The following NEK10 variants were observed in gnomAD, a reference collection of about 807,000 sequenced individuals.
NEK10 encodes serine/threonine-protein kinase Nek10.
NEK10 carries 122 observed loss-of-function variants against 159.8 expected under a neutral mutation model. That is an observed-to-expected ratio of 0.76 (90% CI 0.66 to 0.89). NEK10 has a LOEUF of 0.89. Among genes scored for constraint, NEK10 ranks in the 40% least tolerant of loss-of-function variants. NEK10 has a pLI of 0.00. For missense variants in NEK10, 1,342 were observed against 1,323.1 expected, an observed-to-expected ratio of 1.01 and a Z score of -0.22; for synonymous variants, 466 against 457.1, an observed-to-expected ratio of 1.02 and a Z score of -0.25.
At chr3:27,339,956 C>T (rs1409791749) in intron 5 of NEK10, among the ~76,000 whole-genome samples, 1 of 152,142 alleles carries the variant, frequency 6.6e-6, no homozygotes, top group East Asian at 1.9e-4. Flanking sequence ...ATGGTAATTC[C>T]TCAAGGATCT....
chr3:27,246,959 G>C (rs1376681708), intron 23 of NEK10, among the ~76,000 whole-genome samples: 2 of 152,124 alleles, frequency 1.3e-5, no homozygotes, highest in Admixed American at 1.3e-4. Flanking sequence ...TTTGTATCCT[G>C]CAGCTTTACT....
chr3:27,162,322 T>C (rs1946089326), intron 30 of NEK10: 2 of 1,406,822 alleles, frequency 1.4e-6, no homozygotes, highest in Non-Finnish European at 1.9e-6. Context: ...AAACTAATAA[T>C]GGTGAACAAA....
chr3:27,165,078 C>T (rs943832767), intron 29 of NEK10, among the ~76,000 whole-genome samples: 1 of 152,114 alleles, frequency 6.6e-6, no homozygotes, highest in African/African-American at 2.4e-5. Flanking sequence ...CACATTCATT[C>T]ATTCATTCAA....
chr3:27,170,177 G>A (rs73151210), intron 29 of NEK10, among the ~76,000 whole-genome samples: 2,460 of 152,126 alleles, frequency 0.016, 71 homozygotes, highest in African/African-American at 0.056. Flanking sequence ...ATAGCACATC[G>A]CAGCCTTAGC....
At chr3:27,224,949 T>C (rs1488641798) in intron 23 of NEK10, among the ~76,000 whole-genome samples, 1 of 152,188 alleles carries the variant, frequency 6.6e-6, no homozygotes, top group Non-Finnish European at 1.5e-5. Context: ...CAGAGCTATT[T>C]TTGCATTCTT....
chr3:27,280,573 C>T (rs2042083837), intron 22 of NEK10, among the ~76,000 whole-genome samples: 1 of 152,108 alleles, frequency 6.6e-6, no homozygotes, highest in African/African-American at 2.4e-5. Context: ...TGACAGCAAA[C>T]AGGCGCACAT....
chr3:27,285,611 T>C (rs919995001), intron 20 of NEK10, among the ~76,000 whole-genome samples: 43 of 152,128 alleles, frequency 2.8e-4, no homozygotes, highest in Non-Finnish European at 1.0e-4. Context: ...CATGACTGAT[T>C]GTGTTTGTCT....
intron 23 of NEK10, among the ~76,000 whole-genome samples, chr3:27,208,877 C>T (rs576803767): frequency 6.6e-6 from 1 of 152,292 alleles, no homozygotes; most frequent in Admixed American, 6.5e-5. Flanking sequence ...ATGTTCTCAG[C>T]TCACAGATGA....
In NEK10 at chr3:27,149,625, T is replaced by C. The variant is rs928854247; in HGVS notation, c.2870-8043A>G. 4.7e-4 allele frequency among the ~76,000 whole-genome samples: 71 copies of C among 152,194 alleles called. 1 individual carries two copies. The highest frequency in any genetic ancestry group is 4.6e-3 in the Admixed American group (71 of 15,278). On this transcript the variant is annotated intron_variant, in intron 30 of 35. Coordinates refer to ENST00000691995, the MANE Select transcript of NEK10 (RefSeq NM_001394966.1). ...GTAAACTTAATGGATGGATGTTGTGTGTACTCTGACTGTTCCATCAACCAG... is the reference window on the plus strand; with the variant it reads ...GTAAACTTAATGGATGGATGTTGTGCGTACTCTGACTGTTCCATCAACCAG...
At chr3:27,314,265 G>T in intron 7 of NEK10, 32 bp downstream of exon 7, 2 of 1,555,146 alleles carry the variant, frequency 1.3e-6, no homozygotes, top group Non-Finnish European at 1.8e-6. Flanking sequence ...AAAATGAAAA[G>T]GCAAGACCAG....
At chr3:27,188,607 G>C (rs1197166949) in intron 26 of NEK10, among the ~76,000 whole-genome samples, 1 of 152,160 alleles carries the variant, frequency 6.6e-6, no homozygotes, top group Admixed American at 6.5e-5. Context: ...TGGAAAAGTA[G>C]TTGTGATTCC....
intron 23 of NEK10, among the ~76,000 whole-genome samples, chr3:27,204,275 C>CTTTTTTTTTTTTTTTTTTTTTTTTT (rs1203026508): frequency 3.1e-4 from 20 of 63,966 alleles, no homozygotes; most frequent in East Asian, 4.6e-4. Context: ...GATAAATTTT[C>CTTTTTTTTTTTTTTTTTTTTTTTTT]TTTTTTTTTT....
intron 18 of NEK10, 46 bp from the exon 19 acceptor site, chr3:27,290,800 G>A (rs976185265): frequency 9.6e-6 from 14 of 1,455,996 alleles, no homozygotes; most frequent in Non-Finnish European, 1.2e-5. Context: ...ACAGGGTAAA[G>A]AAGGAGAAGA....
intron 20 of NEK10, among the ~76,000 whole-genome samples, chr3:27,286,423 C>T (rs1341715997): frequency 6.6e-6 from 1 of 150,666 alleles, no homozygotes; most frequent in African/African-American, 2.4e-5. Context: ...TGCTCTGTGG[C>T]AAAGCTGAAG....
intron 33 of NEK10, among the ~76,000 whole-genome samples, chr3:27,119,222 A>G (rs1368550289): frequency 6.6e-6 from 1 of 152,206 alleles, no homozygotes; most frequent in Non-Finnish European, 1.5e-5. Flanking sequence ...GAGAGGTTAA[A>G]TAGTTGTCCA....
At chr3:27,201,248 T>A (rs932324107) in intron 25 of NEK10, among the ~76,000 whole-genome samples, 2 of 152,212 alleles carry the variant, frequency 1.3e-5, no homozygotes, top group Non-Finnish European at 2.9e-5. Flanking sequence ...CCACATATCA[T>A]AATGTGTTTT....
Position 27,144,539 on chromosome 3 carries a change from C to T in NEK10, c.2870-2957G>A, listed in dbSNP as rs150102984. On this transcript the variant is annotated intron_variant, in intron 30 of 35. Transcript: ENST00000691995. ...GACCAGAAAAGAATCCATTTTTCTACACCTCGGTCAACAATATATATTATC... is the reference window on the plus strand; with the variant it reads ...GACCAGAAAAGAATCCATTTTTCTATACCTCGGTCAACAATATATATTATC... Among the ~76,000 whole-genome samples, 813 of 152,308 alleles carry T rather than the reference C, an allele frequency of 5.3e-3. 8 individuals are homozygous for T. Among genetic ancestry groups the T allele is most frequent in the African/African-American group, 0.019 (796 of 41,578 alleles).
At chr3:27,290,298 T>TA (rs1224194651) in intron 19 of NEK10, among the ~76,000 whole-genome samples, 1 of 152,196 alleles carries the variant, frequency 6.6e-6, no homozygotes, top group Non-Finnish European at 1.5e-5. Flanking sequence ...TGTAACTAAG[T>TA]AACCAAATAT....
intron 3 of NEK10, among the ~76,000 whole-genome samples, chr3:27,351,110 A>T (rs1014210430): frequency 2.0e-5 from 3 of 152,180 alleles, no homozygotes; most frequent in Admixed American, 2.0e-4. Flanking sequence ...GAAGACAGAG[A>T]TCACCTCTAG....
Sources: gnomAD v4.1 joint callset for allele counts (sites outside exome capture counted in the v4.1 genomes callset) on GRCh38, gnomAD v4.1.1 for gene constraint, MANE v1.5 for transcripts, NCBI Gene and HGNC (gene_info 2026-07-23, HGNC 2026-07-21) for gene names.